The following DENND4C variants were observed in gnomAD, a reference collection of about 807,000 sequenced individuals.
DENND4C encodes DENN domain-containing protein 4C.
Under a neutral mutation model 203.0 loss-of-function variants are expected in DENND4C, and 108 were observed. The ratio of observed to expected loss-of-function variants is 0.53; its 90% confidence interval spans 0.46 to 0.62. The LOEUF (loss-of-function observed/expected upper bound fraction) is 0.62, where lower values mean the gene tolerates loss of function less well. Ranked by LOEUF, DENND4C falls within the 20% of genes least tolerant of loss-of-function variation. The pLI is 0.00. For synonymous variants in DENND4C, 871 were observed against 792.4 expected, an observed-to-expected ratio of 1.10 and a Z score of -1.67; for missense variants, 2,481 against 2,301.2, an observed-to-expected ratio of 1.08 and a Z score of -1.60.
intron 2 of DENND4C, among the ~76,000 whole-genome samples, chr9:19,284,383 G>T (rs1429887766): frequency 1.3e-5 from 2 of 152,126 alleles, no homozygotes; most frequent in East Asian, 3.8e-4. Context: ...CATTTGGATT[G>T]TTCTCAGTTT....
intron 1 of DENND4C, among the ~76,000 whole-genome samples, chr9:19,252,581 C>G (rs1236731357): frequency 4.6e-5 from 7 of 152,074 alleles, no homozygotes; most frequent in Non-Finnish European, 1.0e-4. Context: ...GATCCTGTCT[C>G]TTAAAATAAA....
At chr9:19,285,085 A>G (rs925675743) in intron 2 of DENND4C, among the ~76,000 whole-genome samples, 5 of 152,042 alleles carry the variant, frequency 3.3e-5, no homozygotes, top group African/African-American at 7.2e-5. Context: ...TCCAAATAAT[A>G]TTTTTTTCCA....
rs2132061006 is a variant in DENND4C at position 19,350,843 on chromosome 9, A to G, written c.4459A>G (p.Ser1487Gly). The G allele has an allele frequency of 1.2e-6, 2 of 1,614,050 alleles. No individual in the cohort carries two copies. The highest frequency in any genetic ancestry group is 4.5e-5 in the East Asian group (2 of 44,874). Reference protein sequence around the residue: ...QSNTSLGSSSSSGDVGKLHYP... With the variant: ...QSNTSLGSSSGSGDVGKLHYP... The stretch of plus-strand genomic sequence containing the variant: ...CAACACAAGTCTTGGCAGTAGCAGC[A>G]GTAGTGGAGATGTAGGAAAACTGCA... The change falls in exon 24 of 33, where the codon AGT becomes GGT. Residue 1487 changes from serine to glycine, a missense_variant. Physicochemically the swap from Ser to Gly is moderately conservative, Grantham distance 56. Coordinates refer to ENST00000434457, the MANE Select transcript of DENND4C (RefSeq NM_001330640.2).
intron 23 of DENND4C, among the ~76,000 whole-genome samples, chr9:19,349,836 A>G (rs916299042): frequency 1.3e-5 from 2 of 152,222 alleles, no homozygotes; most frequent in African/African-American, 2.4e-5. Flanking sequence ...AAATAATTAC[A>G]TAAGAAGTAC....
At chr9:19,313,527 G>T (rs140051343) in intron 10 of DENND4C, among the ~76,000 whole-genome samples, 2 of 152,286 alleles carry the variant, frequency 1.3e-5, no homozygotes, top group African/African-American at 4.8e-5. Flanking sequence ...GGGGTTAAAA[G>T]ATAGCACTAA....
In DENND4C at chr9:19,360,483, T is replaced by TGTACAGGTAGGGTGC; in HGVS notation, c.5401_5406+9dup. ...TCACATCTGAACATTGTAATGAAGG[T>TGTACAGGTAGGGTGC]GTACAGGTAGGGTGCCAACTTTTAT... On this transcript the variant is annotated inframe_insertion, in exon 29 of 33. Coordinates refer to ENST00000434457, the MANE Select transcript of DENND4C (RefSeq NM_001330640.2). The TGTACAGGTAGGGTGC allele has an allele frequency of 6.2e-7, 1 of 1,614,020 alleles. No individual in the cohort carries two copies. Among genetic ancestry groups the TGTACAGGTAGGGTGC allele is most frequent in the South Asian group, 1.1e-5 (1 of 91,064 alleles).
intron 9 of DENND4C, among the ~76,000 whole-genome samples, chr9:19,304,048 TA>T (rs34261020): frequency 0.038 from 5,289 of 138,652 alleles, 285 homozygotes; most frequent in African/African-American, 0.13. Context: ...CTGTCTTTTT[TA>T]AAAAAAAAAA....
Position 19,369,947 on chromosome 9 carries a change from C to A in DENND4C, c.5635C>A (p.Leu1879Ile), listed in dbSNP as rs563664439. The A allele has an allele frequency of 6.2e-7, 1 of 1,613,686 alleles. No individual in the cohort carries two copies. The highest frequency in any genetic ancestry group is 8.5e-7 in the Non-Finnish European group (1 of 1,179,920). Residue 1879 changes from leucine (L) to isoleucine (I), a missense_variant, in exon 31 of 33, where the codon CTA (leucine) becomes ATA (isoleucine). By Grantham distance (5) the Leu-to-Ile change is conservative. Coordinates refer to ENST00000434457, the MANE Select transcript of DENND4C (RefSeq NM_001330640.2). ...CAATAATGTTCTTAAACCCATCAACCTACTTTCACAGCAAATGAAGCCAGG... is the reference window on the plus strand; with the variant it reads ...CAATAATGTTCTTAAACCCATCAACATACTTTCACAGCAAATGAAGCCAGG... ...QHNNVLKPIN[L>I]LSQQMKPGMK...
chr9:19,311,073 A>G (rs551994978), intron 10 of DENND4C, among the ~76,000 whole-genome samples: 1 of 152,102 alleles, frequency 6.6e-6, no homozygotes, highest in East Asian at 1.9e-4. Context: ...TATCAAAAAA[A>G]TTTATTTGAC....
At chr9:19,329,268 C>G (rs767904285) in intron 16 of DENND4C, among the ~76,000 whole-genome samples, 9 of 152,134 alleles carry the variant, frequency 5.9e-5, no homozygotes, top group Non-Finnish European at 1.0e-4. Flanking sequence ...TGTTTTCTGT[C>G]TACAAATTTG....
At chr9:19,296,624 A>T (rs1177483516) in intron 6 of DENND4C, among the ~76,000 whole-genome samples, 1 of 152,178 alleles carries the variant, frequency 6.6e-6, no homozygotes, top group East Asian at 1.9e-4. Context: ...AAGTGCTGGG[A>T]TTACAGGCAT....
intron 8 of DENND4C, 143 bp downstream of exon 8, chr9:19,299,430 C>G: frequency 1.9e-6 from 1 of 539,592 alleles, no homozygotes; most frequent in Non-Finnish European, 3.0e-6. Flanking sequence ...CAAAAATAGC[C>G]TTAATGTTTC....
Position 19,371,758 on chromosome 9 carries a change from G to C in DENND4C, c.5678G>C (p.Ser1893Thr). 3.5e-6 allele frequency: 5 copies of C among 1,419,418 alleles called. No homozygotes were observed. The highest frequency in any genetic ancestry group is 4.9e-6 in the Non-Finnish European group (5 of 1,019,530). 87.9% of individuals were successfully genotyped at this position (1,419,418 alleles called of 1,614,324 possible). The change falls in exon 32 of 33, where the codon AGT becomes ACT. Residue 1893 changes from serine (S) to threonine (T), a missense_variant and splice_region_variant. Physicochemically the swap from Ser to Thr is moderately conservative, Grantham distance 58 (BLOSUM62 1). Around this residue, in one of 3 missense-constraint regions of DENND4C, gnomAD observed 2,289 missense variants for 2,113.3 expected, o/e 1.08. Coordinates refer to ENST00000434457, the MANE Select transcript of DENND4C (RefSeq NM_001330640.2). ...TTTAAAACATATTTGTTTTATAGGA[G>C]TTTATACAGAGAAATCCTCTTCTTA... is the stretch of plus-strand genomic sequence containing the variant. ...QMKPGMKRQRSLYREILFLSL... is the reference protein window; with the variant it reads ...QMKPGMKRQRTLYREILFLSL...
chr9:19,358,805 C>T lies in DENND4C; in HGVS notation c.5160+645C>T, dbSNP rs371618857. On this transcript the variant is annotated intron_variant, in intron 28 of 32. Transcript: ENST00000434457. The surrounding 1 kb of genome is among the most constrained non-coding windows in gnomAD (Gnocchi z 4.8). The stretch of plus-strand genomic sequence containing the variant: ...ATAATCCAGATTTTGCTGATTGCAA[C>T]GATAAAAGTTGGAATTTGTGTCCGG... 7.9e-5 allele frequency among the ~76,000 whole-genome samples: 12 copies of T among 151,884 alleles called. 1 individual carries two copies. The highest frequency in any genetic ancestry group is 4.1e-4 in the South Asian group (2 of 4,830).
At chr9:19,242,709 G>A (rs1194979379) in intron 1 of DENND4C, among the ~76,000 whole-genome samples, 2 of 151,648 alleles carry the variant, frequency 1.3e-5, no homozygotes, top group Admixed American at 1.3e-4. Context: ...AGGCTGGAGT[G>A]CAATGGCGAG....
At chr9:19,357,231 C>T in intron 27 of DENND4C, 77 bp downstream of exon 27, 1 of 1,444,174 alleles carries the variant, frequency 6.9e-7, no homozygotes, top group Non-Finnish European at 9.6e-7. Context: ...CTAAAGACAA[C>T]CTGACTCATA....
intron 10 of DENND4C, among the ~76,000 whole-genome samples, chr9:19,309,744 T>A (rs186073345): frequency 6.6e-6 from 1 of 152,042 alleles, no homozygotes; most frequent in Admixed American, 6.6e-5. Context: ...ACCTTTTAAA[T>A]TTTTTTTAAT....
chr9:19,252,513 C>G (rs1374449968), intron 1 of DENND4C, among the ~76,000 whole-genome samples: 1 of 152,126 alleles, frequency 6.6e-6, no homozygotes, highest in East Asian at 1.9e-4. Context: ...GCCCAGGAGT[C>G]TAAGGCTGTG....
At position 19,324,406 on chromosome 9, in the gene DENND4C, C is replaced by T. The variant is rs781675431; in HGVS notation, c.1852C>T (p.Leu618Phe). The change falls in exon 13 of 33, where the codon CTT (leucine) becomes TTT (phenylalanine). Residue 618 changes from leucine to phenylalanine, a missense_variant. Leu to Phe is a conservative substitution (Grantham distance 22). This residue lies in a region of DENND4C where 2,289 missense variants were observed against 2,113.3 expected (regional missense o/e 1.08). Coordinates refer to ENST00000434457, the MANE Select transcript of DENND4C (RefSeq NM_001330640.2). ...TCGTGCCTATGCAAAATTCTATACC[C>T]TTTTATCCAAAACACAGATTTTTAT... ...RDRAYAKFYT[L>F]LSKTQIFIRF... is the part of the protein sequence containing the mutation. The T allele has an allele frequency of 6.2e-7, 1 of 1,612,374 alleles. No individual in the cohort carries two copies. The highest frequency in any genetic ancestry group is 8.5e-7 in the Non-Finnish European group (1 of 1,179,410).
Sources: allele counts gnomAD v4.1 joint callset (sites outside exome capture counted in the v4.1 genomes callset), GRCh38; gene constraint gnomAD v4.1.1; regional missense constraint gnomAD v4.1.1; non-coding constraint Gnocchi (gnomAD v3.1); transcripts MANE v1.5; gene names NCBI Gene and HGNC (gene_info 2026-07-23, HGNC 2026-07-21).